Variants in MTIF2 observed in about 807,000 individuals in gnomAD.
The protein encoded by MTIF2 is mitochondrial translational initiation factor 2.
In MTIF2, 71 loss-of-function variants were observed where a neutral mutation model predicts 83.5. That is an observed-to-expected ratio of 0.85 (90% confidence interval 0.70 to 1.04). The LOEUF is 1.04. Ranked by LOEUF, MTIF2 falls within the 50% of genes least tolerant of loss-of-function variation. The pLI, the probability that MTIF2 is intolerant of heterozygous loss-of-function variation, is 0.00. For synonymous variants in MTIF2, 319 were observed against 287.1 expected, an observed-to-expected ratio of 1.11 and a Z score of -1.12; for missense variants, 957 against 846.5, an observed-to-expected ratio of 1.13 and a Z score of -1.62.
At chr2:55,261,431 C>G (rs1677979522) in intron 5 of MTIF2, among the ~76,000 whole-genome samples, 1 of 151,282 alleles carries the variant, frequency 6.6e-6, no homozygotes, top group South Asian at 2.1e-4. Context: ...CATGGTGAAA[C>G]CCCGTCTCTA....
chr2:55,258,967 T>C (rs915271134), intron 5 of MTIF2, among the ~76,000 whole-genome samples: 1 of 151,584 alleles, frequency 6.6e-6, no homozygotes, highest in African/African-American at 2.4e-5. Flanking sequence ...ACAACAAGAG[T>C]GAAACTCTGT....
intron 14 of MTIF2, among the ~76,000 whole-genome samples, chr2:55,238,255 G>A (rs1676038747): frequency 1.3e-5 from 2 of 151,852 alleles, no homozygotes; most frequent in Admixed American, 6.6e-5. Flanking sequence ...GGCCTCAAGC[G>A]ATGCTCCTAC....
At chr2:55,252,051 T>C (rs1677135449) in intron 8 of MTIF2, among the ~76,000 whole-genome samples, 1 of 152,250 alleles carries the variant, frequency 6.6e-6, no homozygotes, top group Admixed American at 6.5e-5. Context: ...TAAGAACTTA[T>C]TTAAAGCAGA....
At chr2:55,261,664 C>T (rs190352104) in intron 5 of MTIF2, among the ~76,000 whole-genome samples, 10 of 151,712 alleles carry the variant, frequency 6.6e-5, no homozygotes, top group Admixed American at 5.9e-4. Flanking sequence ...TAGGGCCAGG[C>T]GTGGTGGCTC....
At position 55,262,296 on chromosome 2, in the gene MTIF2, T is replaced by C; in HGVS notation, c.331+20A>G. ...CTTCCAACATTCCCATATTTTGCTT[T>C]GTAAAAATATCTGACTCACCTGTGT... On this transcript the variant is annotated intron_variant, in intron 5 of 15. Transcript: ENST00000263629. 1.3e-6 allele frequency: 2 copies of C among 1,552,196 alleles called. No individual in the cohort carries two copies. Among genetic ancestry groups the C allele is most frequent in the Middle Eastern group, 3.4e-4 (2 of 5,948 alleles).
intron 9 of MTIF2, 67 bp downstream of exon 9, chr2:55,249,328 A>G (rs1188675525): frequency 6.4e-7 from 1 of 1,555,128 alleles, no homozygotes; most frequent in Non-Finnish European, 8.7e-7. Context: ...CTTTAGATGT[A>G]ATATACTGTG....
chr2:55,260,924 CAAT>C (rs1677918438), intron 5 of MTIF2, among the ~76,000 whole-genome samples: 1 of 151,756 alleles, frequency 6.6e-6, no homozygotes, highest in African/African-American at 2.4e-5. Context: ...ATAAAAATGA[CAAT>C]AATATGCTCC....
intron 14 of MTIF2, among the ~76,000 whole-genome samples, chr2:55,238,465 A>G (rs1317395543): frequency 7.1e-6 from 1 of 139,932 alleles, no homozygotes; most frequent in Non-Finnish European, 1.5e-5. Flanking sequence ...ATCTTGGCTC[A>G]CCAGCAAACT....
chr2:55,258,875 G>A (rs181923819), intron 5 of MTIF2, among the ~76,000 whole-genome samples: 66 of 151,574 alleles, frequency 4.4e-4, no homozygotes, highest in African/African-American at 1.5e-3. Flanking sequence ...AGCTATTCAG[G>A]AGGCTGAAGC....
intron 5 of MTIF2, among the ~76,000 whole-genome samples, chr2:55,260,305 CAGG>C (rs965851728): frequency 7.4e-5 from 11 of 149,602 alleles, no homozygotes; most frequent in African/African-American, 2.7e-4. Context: ...AGGCTTGAGA[CAGG>C]AGAATTGCTT....
At chr2:55,246,316 C>T (rs771254476) in intron 10 of MTIF2, 21 bp downstream of exon 10, 2 of 1,575,538 alleles carry the variant, frequency 1.3e-6, no homozygotes, top group East Asian at 2.2e-5. Flanking sequence ...ATTAAAAAGG[C>T]AAGCATTTTA....
chr2:55,245,292 C>T (rs897240550), intron 10 of MTIF2, among the ~76,000 whole-genome samples: 1 of 152,050 alleles, frequency 6.6e-6, no homozygotes, highest in Non-Finnish European at 1.5e-5. Context: ...GAGGCTGAGG[C>T]GGTTGGATCA....
chr2:55,262,646 C>A (rs185464391), intron 4 of MTIF2, among the ~76,000 whole-genome samples: 1 of 150,880 alleles, frequency 6.6e-6, no homozygotes, highest in Non-Finnish European at 1.5e-5. Context: ...GGGTTCAAGC[C>A]ATTCTCCTGC....
intron 9 of MTIF2, among the ~76,000 whole-genome samples, chr2:55,247,313 T>C (rs1676770704): frequency 6.6e-6 from 1 of 152,146 alleles, no homozygotes; most frequent in African/African-American, 2.4e-5. Flanking sequence ...TCCCAGCACT[T>C]TGGGAAGCTG....
intron 11 of MTIF2, among the ~76,000 whole-genome samples, 165 bp from the exon 12 acceptor site, chr2:55,243,833 A>C (rs1464298220): frequency 6.6e-6 from 1 of 152,194 alleles, no homozygotes; most frequent in East Asian, 1.9e-4. Context: ...GAGCTTGTAT[A>C]ATTGAAATGA....
At chr2:55,249,693 C>G (rs918478801) in intron 8 of MTIF2, among the ~76,000 whole-genome samples, 159 bp from the exon 9 acceptor site, 8 of 152,100 alleles carry the variant, frequency 5.3e-5, no homozygotes, top group African/African-American at 1.9e-4. Context: ...GTCACATCAC[C>G]CTACTCTGCG....
intron 8 of MTIF2, among the ~76,000 whole-genome samples, chr2:55,252,162 A>G (rs557457866): frequency 6.6e-6 from 1 of 152,324 alleles, no homozygotes; most frequent in East Asian, 1.9e-4. Flanking sequence ...TGTGATGGAT[A>G]GATCGAATTT....
At chr2:55,262,780 G>A (rs1309944640) in intron 4 of MTIF2, among the ~76,000 whole-genome samples, 2 of 151,806 alleles carry the variant, frequency 1.3e-5, no homozygotes, top group Non-Finnish European at 2.9e-5. Flanking sequence ...CCAGGCTGGA[G>A]TGCAGTGGCA....
intron 13 of MTIF2, among the ~76,000 whole-genome samples, chr2:55,240,406 C>T (rs1166084580): frequency 6.6e-6 from 1 of 152,084 alleles, no homozygotes; most frequent in African/African-American, 2.4e-5. Context: ...CATGGTGAAA[C>T]CCTGTCTCTA....
Sources: gnomAD v4.1 joint callset for allele counts (sites outside exome capture counted in the v4.1 genomes callset) on GRCh38, gnomAD v4.1.1 for gene constraint, MANE v1.5 for transcripts, NCBI Gene and HGNC (gene_info 2026-07-23, HGNC 2026-07-21) for gene names.